Variants in RARB observed in about 807,000 individuals in gnomAD.
The protein encoded by RARB is HBV-activated protein.
RARB carries 17 observed loss-of-function variants against 51.9 expected under a neutral mutation model. The observed-to-expected ratio is 0.33, with a 90% CI of 0.22 to 0.49. RARB has a LOEUF of 0.49. Among genes scored for constraint, RARB ranks in the 20% least tolerant of loss-of-function variants. RARB has a pLI of 0.99. For missense variants in RARB, 369 were observed against 550.8 expected (o/e 0.67, Z 3.30); for synonymous variants, 215 against 195.4 (o/e 1.10, Z -0.84).
chr3:25,065,169 A>G (rs1055910268), intron 3 of RARB, among the ~76,000 whole-genome samples: 4 of 149,464 alleles, frequency 2.7e-5, no homozygotes, highest in African/African-American at 9.9e-5. Flanking sequence ...TTATTGTGAG[A>G]TTTTTAAAAA....
chr3:24,908,713 A>G (rs1354044637), intron 2 of RARB, among the ~76,000 whole-genome samples: 1 of 137,364 alleles, frequency 7.3e-6, no homozygotes, highest in African/African-American at 2.7e-5. Flanking sequence ...AATTCACATC[A>G]TACAGAAGGT....
At chr3:25,591,630 TA>T (rs1391236357) in intron 5 of RARB, among the ~76,000 whole-genome samples, 1 of 152,216 alleles carries the variant, frequency 6.6e-6, no homozygotes, top group Non-Finnish European at 1.5e-5. Flanking sequence ...ATAGGAGAAA[TA>T]ATATACTAGT....
At chr3:25,487,481 T>C (rs1696528357) in intron 2 of RARB, among the ~76,000 whole-genome samples, 1 of 152,044 alleles carries the variant, frequency 6.6e-6, no homozygotes, top group Non-Finnish European at 1.5e-5. Context: ...ACTTTTTTTT[T>C]TTTTTTCAAT....
At chr3:25,224,537 C>G (rs953193079) in intron 5 of RARB, among the ~76,000 whole-genome samples, 5 of 152,160 alleles carry the variant, frequency 3.3e-5, no homozygotes, top group Non-Finnish European at 7.4e-5. Flanking sequence ...GATGTTTTCT[C>G]TCTGCAAAGT....
chr3:24,964,426 T>C (rs1015316794), intron 2 of RARB, among the ~76,000 whole-genome samples: 1 of 152,198 alleles, frequency 6.6e-6, no homozygotes, highest in East Asian at 1.9e-4. Flanking sequence ...TAGCATAAAC[T>C]GTTGAGTCAT....
rs1202734122 is a variant in RARB, at chr3:25,472,511, T to C, written c.306+11170T>C. On this transcript the variant is annotated intron_variant, in intron 2 of 7. Transcript: ENST00000330688. The stretch of plus-strand genomic sequence containing the variant: ...CTAAGTTTCTACCATAGGTTTTTTT[T>C]ATTTGATCCTCATCATATTTAGAGA... Among the ~76,000 whole-genome samples the C allele has an allele frequency of 2.6e-5, 4 of 152,332 alleles. No individual in the cohort carries two copies. In the East Asian group the frequency reaches 7.7e-4, roughly 29 times the overall value.
At position 24,900,551 on chromosome 3, in the gene RARB, A is replaced by G. The variant is rs543181892; in HGVS notation, c.-380+41799A>G. On this transcript the variant is annotated intron_variant, in intron 2 of 11. Transcript: ENST00000383772. ...AGTGCCTCTCTTGTCGTTTGGTTCA[A>G]TAACATTAGAAACTGTTAATGCATC... 5.3e-5 allele frequency among the ~76,000 whole-genome samples: 8 copies of G among 152,348 alleles called. No individual in the cohort carries two copies. In the East Asian group the frequency reaches 1.2e-3, roughly 22 times the overall value.
chr3:25,242,519 C>T (rs1386001462), intron 5 of RARB, among the ~76,000 whole-genome samples: 28 of 152,280 alleles, frequency 1.8e-4, no homozygotes. Context: ...CAGTTTTCTG[C>T]ATATGACTAG....
chr3:25,204,593 A>G (rs898119878), intron 5 of RARB, among the ~76,000 whole-genome samples: 2 of 151,988 alleles, frequency 1.3e-5, no homozygotes, highest in African/African-American at 2.4e-5. Flanking sequence ...TGATGTACAG[A>G]TTGGGTTTTG....
chr3:25,536,351 A>G (rs917832999), intron 3 of RARB, among the ~76,000 whole-genome samples: 1 of 152,176 alleles, frequency 6.6e-6, no homozygotes, highest in African/African-American at 2.4e-5. Flanking sequence ...CGACACTGGA[A>G]TAAAGAATAT....
chr3:24,979,907 G>GGT (rs763174863), intron 2 of RARB, among the ~76,000 whole-genome samples: 21 of 152,154 alleles, frequency 1.4e-4, no homozygotes, highest in Non-Finnish European at 2.6e-4. Flanking sequence ...TGCAGTAGCT[G>GGT]GTATTGGTTC....
intron 3 of RARB, among the ~76,000 whole-genome samples, chr3:25,126,204 T>A (rs1374680998): frequency 2.0e-5 from 3 of 152,190 alleles, no homozygotes; most frequent in Non-Finnish European, 4.4e-5. Flanking sequence ...TGACCTCCAT[T>A]TATAATTAAA....
At chr3:24,986,861 C>G (rs889304846) in intron 2 of RARB, among the ~76,000 whole-genome samples, 1 of 152,086 alleles carries the variant, frequency 6.6e-6, no homozygotes, top group Non-Finnish European at 1.5e-5. Flanking sequence ...AGCAGAAAAG[C>G]GAACCTCAAC....
chr3:25,299,431 C>T (rs936609790), intron 5 of RARB, among the ~76,000 whole-genome samples: 4 of 152,072 alleles, frequency 2.6e-5, no homozygotes, highest in African/African-American at 9.7e-5. Flanking sequence ...AACTCTTGCA[C>T]TCAAGCAATC....
chr3:25,244,394 T>C (rs1575251014), intron 5 of RARB, among the ~76,000 whole-genome samples: 1 of 152,196 alleles, frequency 6.6e-6, no homozygotes, highest in South Asian at 2.1e-4. Flanking sequence ...GTTCTTTTAA[T>C]TGTGATGTTA....
intron 3 of RARB, among the ~76,000 whole-genome samples, chr3:25,093,961 C>G (rs1699248364): frequency 6.6e-6 from 1 of 152,136 alleles, no homozygotes; most frequent in Non-Finnish European, 1.5e-5. Flanking sequence ...ACACACAAAA[C>G]AAAATACCAA....
At chr3:25,006,338 TA>T (rs1052030840) in intron 2 of RARB, among the ~76,000 whole-genome samples, 6 of 152,130 alleles carry the variant, frequency 3.9e-5, no homozygotes, top group Admixed American at 2.0e-4. Context: ...GTTTGAGCTA[TA>T]AAAAATTGCA....
At chr3:25,432,582 T>C (rs1052987645) in intron 1 of RARB, among the ~76,000 whole-genome samples, 1 of 152,192 alleles carries the variant, frequency 6.6e-6, no homozygotes, top group African/African-American at 2.4e-5. Context: ...AGGGTATTGT[T>C]ATGCACTTTT....
At chr3:25,254,167 T>C (rs1283638353) in intron 5 of RARB, among the ~76,000 whole-genome samples, 2 of 152,202 alleles carry the variant, frequency 1.3e-5, no homozygotes, top group African/African-American at 4.8e-5. Flanking sequence ...ATGAGACATG[T>C]AATACATCAT....
Sources: allele counts gnomAD v4.1 joint callset (sites outside exome capture counted in the v4.1 genomes callset), GRCh38; gene constraint gnomAD v4.1.1; transcripts MANE v1.5; gene names NCBI Gene and HGNC (gene_info 2026-07-23, HGNC 2026-07-21).